The following FGF12 variants were observed in gnomAD, a reference collection of about 807,000 sequenced individuals.
FGF12 encodes fibroblast growth factor 12, also known as fibroblast growth factor 12B.
FGF12 carries 14 observed loss-of-function variants against 23.6 expected under a neutral mutation model. That is an observed-to-expected ratio of 0.59 (90% CI 0.39 to 0.93). FGF12 has a LOEUF of 0.93. FGF12 is among the 40% of genes least tolerant of loss of function. The probability of loss-of-function intolerance (pLI) is 0.00; values close to 1 mark genes in which losing one functional copy is unlikely to be tolerated. For missense variants in FGF12, 175 were observed against 217.8 expected, an observed-to-expected ratio of 0.80 and a Z score of 1.24; for synonymous variants, 62 against 77.3, an observed-to-expected ratio of 0.80 and a Z score of 1.04.
At chr3:192,283,773 GGA>G (rs1714290453) in intron 4 of FGF12, among the ~76,000 whole-genome samples, 1 of 152,006 alleles carries the variant, frequency 6.6e-6, no homozygotes, top group South Asian at 2.1e-4. Context: ...AAAGGTGGTG[GGA>G]GAGTGGTCAG....
intron 2 of FGF12, among the ~76,000 whole-genome samples, chr3:192,599,746 C>T (rs557110911): frequency 6.6e-6 from 1 of 151,918 alleles, no homozygotes; most frequent in African/African-American, 2.4e-5. Context: ...TTTCATGCAG[C>T]TGTCATTCTA....
intron 2 of FGF12, among the ~76,000 whole-genome samples, chr3:192,538,016 G>A (rs543965938): frequency 6.1e-5 from 9 of 147,720 alleles, no homozygotes; most frequent in Admixed American, 1.4e-4. Flanking sequence ...GTGCGATCTC[G>A]GCTCACTGCA....
At chr3:192,704,375 C>A (rs1388054274) in intron 2 of FGF12, among the ~76,000 whole-genome samples, 1 of 152,138 alleles carries the variant, frequency 6.6e-6, no homozygotes, top group South Asian at 2.1e-4. Context: ...CCTTGTATTT[C>A]TCCATGAGAA....
At chr3:192,644,270 G>A (rs1577095689) in intron 2 of FGF12, among the ~76,000 whole-genome samples, 1 of 152,068 alleles carries the variant, frequency 6.6e-6, no homozygotes, top group East Asian at 1.9e-4. Context: ...ACATACCTTT[G>A]GAGTCCTGGA....
intron 2 of FGF12, among the ~76,000 whole-genome samples, chr3:192,664,594 C>CAGAAAA: frequency 1.0e-5 from 1 of 97,078 alleles, no homozygotes; most frequent in East Asian, 3.0e-4. Flanking sequence ...ACTAAAAATA[C>CAGAAAA]AAAAAAAATA....
intron 4 of FGF12, among the ~76,000 whole-genome samples, chr3:192,218,482 T>C (rs2108570298): frequency 6.6e-6 from 1 of 152,288 alleles, no homozygotes; most frequent in Middle Eastern, 3.4e-3. Context: ...TGAGTTCTCA[T>C]GTGATCTGGT....
At chr3:192,715,774 T>C (rs529987655) in intron 2 of FGF12, among the ~76,000 whole-genome samples, 1 of 152,338 alleles carries the variant, frequency 6.6e-6, no homozygotes, top group Admixed American at 6.5e-5. Flanking sequence ...AAAAGCTAAT[T>C]TGTGAGGTGT....
Position 192,297,111 on chromosome 3 carries a change from A to G in FGF12, c.228+38250T>C, listed in dbSNP as rs149348887. Reference sequence around the variant, plus strand: ...CCAGCACATGTTGTGAAGAACAATAAAAGTACTAGGGTCAATATATAGGTA... The same window carrying G: ...CCAGCACATGTTGTGAAGAACAATAGAAGTACTAGGGTCAATATATAGGTA... On this transcript the variant is annotated intron_variant, in intron 4 of 5. Transcript: ENST00000445105. Among the ~76,000 whole-genome samples, 420 of 152,340 alleles carry G rather than the reference A, an allele frequency of 2.8e-3. 2 individuals are homozygous for G. The highest frequency in any genetic ancestry group is 9.5e-3 in the African/African-American group (397 of 41,576).
chr3:192,519,154 T>C (rs896204375), intron 2 of FGF12, among the ~76,000 whole-genome samples: 1 of 152,188 alleles, frequency 6.6e-6, no homozygotes, highest in East Asian at 1.9e-4. Context: ...TCACCAGCTA[T>C]GCAGCTCTCA....
intron 4 of FGF12, among the ~76,000 whole-genome samples, chr3:192,277,473 A>C (rs1158457442): frequency 1.3e-5 from 2 of 152,226 alleles, no homozygotes; most frequent in African/African-American, 4.8e-5. Flanking sequence ...CCAAAGAATG[A>C]TGCTTGGTCT....
At chr3:192,271,684 G>T (rs1447475867) in intron 4 of FGF12, among the ~76,000 whole-genome samples, 1 of 152,110 alleles carries the variant, frequency 6.6e-6, no homozygotes, top group Admixed American at 6.6e-5. Context: ...TTGGGGGGAA[G>T]TCTTTCCCAA....
intron 3 of FGF12, among the ~76,000 whole-genome samples, chr3:192,348,389 C>A (rs1348443196): frequency 1.3e-5 from 2 of 152,122 alleles, no homozygotes; most frequent in Admixed American, 1.3e-4. Context: ...ACACCTCAAA[C>A]TTCTCAAATC....
chr3:192,589,634 A>G (rs1713540829), intron 2 of FGF12, among the ~76,000 whole-genome samples: 2 of 151,754 alleles, frequency 1.3e-5, no homozygotes, highest in African/African-American at 4.8e-5. Flanking sequence ...CTGAAACCCT[A>G]TAGGATTCAT....
chr3:192,413,981 A>G (rs2108780039), intron 2 of FGF12, among the ~76,000 whole-genome samples: 1 of 152,320 alleles, frequency 6.6e-6, no homozygotes, highest in South Asian at 2.1e-4. Context: ...TCCTTTATAT[A>G]GCAAATTTAT....
intron 2 of FGF12, among the ~76,000 whole-genome samples, chr3:192,702,221 T>C (rs1225737529): frequency 6.6e-6 from 1 of 152,212 alleles, no homozygotes; most frequent in Non-Finnish European, 1.5e-5. Context: ...GGCTGAATTG[T>C]AGTTTATTAT....
chr3:192,261,605 A>G (rs964479782), intron 4 of FGF12, among the ~76,000 whole-genome samples: 1 of 152,242 alleles, frequency 6.6e-6, no homozygotes, highest in South Asian at 2.1e-4. Flanking sequence ...GGTTATGTCC[A>G]GGAACACATG....
chr3:192,486,933 A>G (rs1056729720), intron 2 of FGF12, among the ~76,000 whole-genome samples: 6 of 152,094 alleles, frequency 3.9e-5, no homozygotes, highest in African/African-American at 1.4e-4. Flanking sequence ...AGTTGCCAAA[A>G]TTATTAAAAT....
intron 4 of FGF12, among the ~76,000 whole-genome samples, chr3:192,295,843 C>G (rs1009401278): frequency 2.6e-5 from 4 of 151,962 alleles, no homozygotes; most frequent in African/African-American, 9.7e-5. Context: ...GATTTAAAAA[C>G]TGCAATAGAA....
chr3:192,350,975 A>C (rs962198827), intron 3 of FGF12, among the ~76,000 whole-genome samples: 2 of 152,182 alleles, frequency 1.3e-5, no homozygotes, highest in African/African-American at 4.8e-5. Flanking sequence ...AGCTTGGACT[A>C]GGGAGTGGCA....
Sources: gnomAD v4.1 joint callset for allele counts (sites outside exome capture counted in the v4.1 genomes callset) on GRCh38, gnomAD v4.1.1 for gene constraint, MANE v1.5 for transcripts, NCBI Gene and HGNC (gene_info 2026-07-23, HGNC 2026-07-21) for gene names.